KLRG1: variants seen among roughly 807,000 people sequenced by gnomAD.
The protein encoded by KLRG1 is killer cell lectin like receptor G1, also known as killer cell lectin-like receptor subfamily G member 1.
A neutral mutation model predicts 21.8 loss-of-function variants in KLRG1; 16 were observed. The observed-to-expected ratio is 0.73, with a 90% CI of 0.50 to 1.11. The LOEUF is 1.11. Ranked by LOEUF, KLRG1 falls within the 50% of genes most tolerant of loss-of-function variation. The pLI is 0.00. For synonymous variants in KLRG1, 69 were observed against 75.9 expected, an observed-to-expected ratio of 0.91 and a Z score of 0.47; for missense variants, 173 against 218.3, an observed-to-expected ratio of 0.79 and a Z score of 1.31.
the KLRG1 span, among the ~76,000 whole-genome samples, chr12:9,191,940 G>A: frequency 6.6e-6 from 1 of 152,060 alleles, no homozygotes; most frequent in African/African-American, 2.4e-5. Flanking sequence ...GCTTTGTTTT[G>A]CTGTTAGAAG....
the KLRG1 span, chr12:9,099,250 C>T: frequency 1.2e-6 from 1 of 831,062 alleles, no homozygotes; most frequent in Non-Finnish European, 1.9e-6. Context: ...GACTCTGCCA[C>T]TACCTTGCTG....
the KLRG1 span, chr12:9,202,394 A>G: frequency 6.2e-7 from 1 of 1,614,110 alleles, no homozygotes. Context: ...TTCTCCGATA[A>G]GATTCAGACA....
At chr12:9,126,367 A>G in the KLRG1 span, among the ~76,000 whole-genome samples, 5 of 152,212 alleles carry the variant, frequency 3.3e-5, no homozygotes, top group African/African-American at 2.4e-5. Flanking sequence ...TTAGGACACA[A>G]TGTGTATGAA....
At chr12:9,029,369 C>T in the KLRG1 span, among the ~76,000 whole-genome samples, 1 of 152,100 alleles carries the variant, frequency 6.6e-6, no homozygotes, top group South Asian at 2.1e-4. Flanking sequence ...GCATGTGCCA[C>T]CAGGCCTGGC....
At chr12:9,023,741 A>C in the KLRG1 span, among the ~76,000 whole-genome samples, 1 of 151,556 alleles carries the variant, frequency 6.6e-6, no homozygotes, top group Admixed American at 6.6e-5. Context: ...AATTTTGTAG[A>C]GATGGGGTTT....
the KLRG1 span, chr12:9,169,013 AT>A: frequency 7.1e-7 from 1 of 1,404,892 alleles, no homozygotes; most frequent in Non-Finnish European, 1.0e-6. Flanking sequence ...TGTAAGCTTG[AT>A]TAGAATATAT....
chr12:9,036,890 G>A, the KLRG1 span: 3 of 364,858 alleles, frequency 8.2e-6, no homozygotes, highest in East Asian at 2.4e-4. Flanking sequence ...ACTGTAGTGG[G>A]CTACCGGATG....
the KLRG1 span, chr12:9,079,685 C>T: frequency 6.2e-7 from 1 of 1,613,706 alleles, no homozygotes; most frequent in Non-Finnish European, 8.5e-7. Flanking sequence ...CTGGAGTAAG[C>T]TGCTGTGTTT....
At chr12:9,074,691 T>C in the KLRG1 span, 1 of 1,613,998 alleles carries the variant, frequency 6.2e-7, no homozygotes, top group Middle Eastern at 1.6e-4. Context: ...ACATAGGATG[T>C]CATCTCCACC....
At chr12:9,150,168 T>G in the KLRG1 span, among the ~76,000 whole-genome samples, 4 of 152,254 alleles carry the variant, frequency 2.6e-5, no homozygotes, top group African/African-American at 9.6e-5. Context: ...TATCTATGTC[T>G]CTAAACTACT....
the KLRG1 span, chr12:9,090,336 T>C: frequency 6.2e-7 from 1 of 1,613,974 alleles, no homozygotes; most frequent in East Asian, 2.2e-5. Flanking sequence ...GAGAATTATC[T>C]CTAGCAGTTT....
the KLRG1 span, among the ~76,000 whole-genome samples, chr12:9,123,900 C>T: frequency 1.4e-5 from 2 of 143,124 alleles, no homozygotes; most frequent in African/African-American, 2.9e-5. Flanking sequence ...TCCTACCAAA[C>T]AGAAAGGATG....
the KLRG1 span, chr12:9,066,415 C>G: frequency 1.3e-5 from 2 of 152,480 alleles, no homozygotes; most frequent in Non-Finnish European, 2.9e-5. Flanking sequence ...CCAGCCACCT[C>G]ATGGAGAGCC....
At chr12:9,152,069 C>A in the KLRG1 span, 2 of 664,388 alleles carry the variant, frequency 3.0e-6, no homozygotes, top group East Asian at 2.7e-5. Context: ...AGCTTACGGC[C>A]AACTAAATAG....
intron 3 of KLRG1, among the ~76,000 whole-genome samples, chr12:9,003,629 G>A (rs1476235634): frequency 6.6e-6 from 1 of 151,534 alleles, no homozygotes; most frequent in African/African-American, 2.4e-5. Context: ...CCCCCAGCAT[G>A]CACAGTTAAG....
chr12:8,995,676 G>A (rs1223771379), intron 3 of KLRG1, among the ~76,000 whole-genome samples: 1 of 145,178 alleles, frequency 6.9e-6, no homozygotes, highest in Non-Finnish European at 1.5e-5. Context: ...CAACAACAAG[G>A]CAGCAGATTC....
At chr12:8,966,137 A>C (rs79419979) in intron 1 of KLRG1, among the ~76,000 whole-genome samples, 1 of 152,010 alleles carries the variant, frequency 6.6e-6, no homozygotes, top group Non-Finnish European at 1.5e-5. Context: ...CTAGCCATAC[A>C]TAGAAAGCTG....
chr12:9,187,681 G>A, the KLRG1 span, among the ~76,000 whole-genome samples: 457 of 152,248 alleles, frequency 3.0e-3, 5 homozygotes, highest in African/African-American at 0.01. Context: ...CAGCTAAGGC[G>A]GTGTTAAGAG....
At chr12:9,135,403 T>G in the KLRG1 span, 5 of 344,396 alleles carry the variant, frequency 1.5e-5, no homozygotes, top group Non-Finnish European at 2.8e-5. Context: ...CCTCAACCTA[T>G]GAGATGTCTG....
Sources: allele counts gnomAD v4.1 joint callset (sites outside exome capture counted in the v4.1 genomes callset), GRCh38; gene constraint gnomAD v4.1.1; transcripts MANE v1.5; gene names NCBI Gene and HGNC (gene_info 2026-07-23, HGNC 2026-07-21).